RBFOX1: variants seen among roughly 807,000 people sequenced by gnomAD.
RBFOX1 encodes the protein RNA binding protein fox-1 homolog 1.
Under a neutral mutation model 57.7 loss-of-function variants are expected in RBFOX1, and 8 were observed. The observed-to-expected ratio is 0.14, with a 90% CI of 0.08 to 0.25. RBFOX1 has a LOEUF of 0.25. RBFOX1 is among the 10% of genes least tolerant of loss of function. The probability of loss-of-function intolerance (pLI) is 1.00; values close to 1 mark genes in which losing one functional copy is unlikely to be tolerated. For missense variants in RBFOX1, 611 were observed against 548.5 expected (o/e 1.11, Z -1.14); for synonymous variants, 326 against 222.4 (o/e 1.47, Z -4.15).
At chr16:7,055,690 G>A (rs1008665377) in intron 4 of RBFOX1, among the ~76,000 whole-genome samples, 1 of 152,214 alleles carries the variant, frequency 6.6e-6, no homozygotes, top group African/African-American at 2.4e-5. Context: ...ATTGGCTACA[G>A]CAGTTATGAT....
intron 1 of RBFOX1, among the ~76,000 whole-genome samples, chr16:5,341,637 A>C (rs1209115743): frequency 1.3e-5 from 2 of 152,156 alleles, no homozygotes; most frequent in Non-Finnish European, 2.9e-5. Flanking sequence ...GCTTGGTTTA[A>C]TGCTCTGCTT....
chr16:7,447,962 A>G (rs1025209860), intron 4 of RBFOX1, among the ~76,000 whole-genome samples: 1 of 152,210 alleles, frequency 6.6e-6, no homozygotes, highest in Non-Finnish European at 1.5e-5. Context: ...CAAAGTACTG[A>G]ATCAGGATCT....
At chr16:6,923,985 C>G (rs1381167999) in intron 3 of RBFOX1, among the ~76,000 whole-genome samples, 3 of 151,940 alleles carry the variant, frequency 2.0e-5, no homozygotes, top group Non-Finnish European at 4.4e-5. Context: ...TCCTGGCCAA[C>G]ATGGTGAAAC....
At chr16:7,690,869 C>G (rs114329340) in intron 14 of RBFOX1, among the ~76,000 whole-genome samples, 2 of 152,070 alleles carry the variant, frequency 1.3e-5, no homozygotes, top group South Asian at 4.1e-4. Flanking sequence ...TAGACAGCAA[C>G]ATGCAATCTC....
chr16:7,704,083 G>A (rs1022392794), intron 14 of RBFOX1, among the ~76,000 whole-genome samples: 13 of 152,206 alleles, frequency 8.5e-5, no homozygotes, highest in Non-Finnish European at 1.6e-4. Context: ...CTTTACAAAT[G>A]AGGAAGATGA....
intron 3 of RBFOX1, among the ~76,000 whole-genome samples, chr16:5,635,186 A>G (rs1030500465): frequency 6.6e-6 from 1 of 152,258 alleles, no homozygotes; most frequent in Non-Finnish European, 1.5e-5. Flanking sequence ...TTCCATTTAA[A>G]AGAAAATCTG....
chr16:5,413,167 G>A (rs775794346), intron 1 of RBFOX1, among the ~76,000 whole-genome samples: 4 of 152,110 alleles, frequency 2.6e-5, no homozygotes, highest in Non-Finnish European at 5.9e-5. Context: ...CTGCCAAATT[G>A]CTTCATGCTC....
At chr16:7,008,423 C>T (rs1392588039) in intron 3 of RBFOX1, among the ~76,000 whole-genome samples, 5 of 151,938 alleles carry the variant, frequency 3.3e-5, no homozygotes, top group African/African-American at 9.7e-5. Flanking sequence ...ATCTGTAATT[C>T]CAGACACTCA....
chr16:6,823,720 T>C (rs190314548), intron 3 of RBFOX1, among the ~76,000 whole-genome samples: 6 of 152,352 alleles, frequency 3.9e-5, no homozygotes, highest in African/African-American at 9.6e-5. Context: ...ATTCATTCAA[T>C]ATTTACCACC....
chr16:5,794,187 G>A (rs947936799), intron 3 of RBFOX1, among the ~76,000 whole-genome samples: 5 of 152,092 alleles, frequency 3.3e-5, no homozygotes. Context: ...TAAGTCATGG[G>A]GTTATACTGA....
chr16:5,999,889 AAAAAAAAAAAAAAAAAAAG>A lies in RBFOX1; in HGVS notation c.351+132556_351+132574del, dbSNP rs1344363414. Reference sequence around the variant, plus strand: ...CCTCAAAAAAAAAAAAAAAAAAAAAAAAAAAAAAAAAAAAAAAAGAGTGAAGAAGGGAAATCAGACAAGG... The same window carrying A: ...CCTCAAAAAAAAAAAAAAAAAAAAAAAGTGAAGAAGGGAAATCAGACAAGG... On this transcript the variant is annotated intron_variant, in intron 4 of 19. Transcript: ENST00000641259. Among the ~76,000 whole-genome samples, 13 of 79,120 alleles carry A rather than the reference AAAAAAAAAAAAAAAAAAAG, an allele frequency of 1.6e-4. 1 individual carries two copies. Among genetic ancestry groups the A allele is most frequent in the African/African-American group, 4.7e-4 (11 of 23,508 alleles). 51.9% of individuals were successfully genotyped at this position (79,120 alleles called of 152,430 possible).
intron 2 of RBFOX1, among the ~76,000 whole-genome samples, chr16:6,325,201 T>C (rs536954362): frequency 6.7e-4 from 101 of 151,758 alleles, no homozygotes; most frequent in Non-Finnish European, 1.3e-3. Context: ...ACATAAAATG[T>C]TTAAAAAATT....
intron 7 of RBFOX1, among the ~76,000 whole-genome samples, chr16:7,593,664 G>C (rs962883869): frequency 4.9e-5 from 7 of 143,472 alleles, no homozygotes; most frequent in Admixed American, 4.8e-4. Flanking sequence ...ACTTACATGT[G>C]AATTTTTTTT....
chr16:6,890,821 C>T (rs914277361), intron 3 of RBFOX1, among the ~76,000 whole-genome samples: 2 of 152,250 alleles, frequency 1.3e-5, no homozygotes, highest in Non-Finnish European at 2.9e-5. Flanking sequence ...TAACTGGAAC[C>T]ATTTGTGTAG....
intron 3 of RBFOX1, among the ~76,000 whole-genome samples, chr16:6,728,101 A>T (rs1309938357): frequency 6.6e-6 from 1 of 152,226 alleles, no homozygotes; most frequent in Non-Finnish European, 1.5e-5. Flanking sequence ...AGTGAACTTC[A>T]ATAAATGGTT....
chr16:6,060,463 C>T (rs1472477240), intron 1 of RBFOX1, among the ~76,000 whole-genome samples: 9 of 152,110 alleles, frequency 5.9e-5, no homozygotes, highest in Non-Finnish European at 1.3e-4. Context: ...AAGCTTCCTA[C>T]AATAACCTTA....
intron 1 of RBFOX1, among the ~76,000 whole-genome samples, chr16:6,235,173 A>G (rs1640738182): frequency 6.6e-6 from 1 of 152,104 alleles, no homozygotes; most frequent in Non-Finnish European, 1.5e-5. Context: ...CTCTTCTTGC[A>G]TTCTAAGAGT....
intron 3 of RBFOX1, among the ~76,000 whole-genome samples, chr16:5,674,161 G>T (rs2050098684): frequency 6.6e-6 from 1 of 152,224 alleles, no homozygotes. Context: ...GGGTCTAGAA[G>T]TGGGGCATGT....
At chr16:5,312,949 C>T (rs542467105) in intron 1 of RBFOX1, among the ~76,000 whole-genome samples, 10 of 152,324 alleles carry the variant, frequency 6.6e-5, no homozygotes, top group African/African-American at 2.2e-4. Flanking sequence ...TCAGCATGAG[C>T]AGCAGTAGGC....
Sources: gnomAD v4.1 joint callset for allele counts (sites outside exome capture counted in the v4.1 genomes callset) on GRCh38, gnomAD v4.1.1 for gene constraint, MANE v1.5 for transcripts, NCBI Gene and HGNC (gene_info 2026-07-23, HGNC 2026-07-21) for gene names.